The following EEFSEC variants were observed in gnomAD, a reference collection of about 807,000 sequenced individuals.
EEFSEC encodes the protein selenocysteine-specific elongation factor.
Under a neutral mutation model 42.1 loss-of-function variants are expected in EEFSEC, and 43 were observed. That is an observed-to-expected ratio of 1.02 (90% confidence interval 0.80 to 1.32). The LOEUF (loss-of-function observed/expected upper bound fraction) is 1.32. Ranked by LOEUF, EEFSEC falls within the 40% of genes most tolerant of loss-of-function variation. The pLI, the probability that EEFSEC is intolerant of heterozygous loss-of-function variation, is 0.00. For synonymous variants in EEFSEC, 354 were observed against 339.1 expected, an observed-to-expected ratio of 1.04 and a Z score of -0.48; for missense variants, 745 against 803.6, an observed-to-expected ratio of 0.93 and a Z score of 0.88.
intron 4 of EEFSEC, among the ~76,000 whole-genome samples, chr3:128,284,825 G>T (rs2066566314): frequency 6.6e-6 from 1 of 151,988 alleles, no homozygotes; most frequent in Admixed American, 6.5e-5. Flanking sequence ...TGTCTACACG[G>T]CTGTTCCCAT....
chr3:128,399,861 C>T (rs114690215), intron 6 of EEFSEC, among the ~76,000 whole-genome samples: 2,247 of 152,198 alleles, frequency 0.015, 51 homozygotes, highest in African/African-American at 0.051. Flanking sequence ...GCCTGTCCTC[C>T]GGGCCCGGGC....
intron 1 of EEFSEC, among the ~76,000 whole-genome samples, chr3:128,196,978 C>G (rs1221074473): frequency 1.3e-5 from 2 of 152,228 alleles, no homozygotes; most frequent in African/African-American, 2.4e-5. Context: ...TGCAGCCCAG[C>G]TCTGGCCTCG....
chr3:128,399,403 G>C (rs764437000), intron 6 of EEFSEC, among the ~76,000 whole-genome samples: 1 of 152,216 alleles, frequency 6.6e-6, no homozygotes, highest in Non-Finnish European at 1.5e-5. Flanking sequence ...TGAGAGCCTC[G>C]GAAAGAGCGA....
At chr3:128,426,022 T>C in the EEFSEC span, among the ~76,000 whole-genome samples, 1 of 152,212 alleles carries the variant, frequency 6.6e-6, no homozygotes, top group Non-Finnish European at 1.5e-5. Flanking sequence ...TCCAGGGACC[T>C]GCTAGAAACC....
downstream of EEFSEC, among the ~76,000 whole-genome samples, chr3:128,409,833 G>T (rs1047631515): frequency 6.6e-6 from 1 of 152,178 alleles, no homozygotes; most frequent in Non-Finnish European, 1.5e-5. Context: ...CGACCCCACT[G>T]TGTGCTGTGC....
intron 1 of EEFSEC, among the ~76,000 whole-genome samples, chr3:128,220,994 A>G (rs1057373261): frequency 6.6e-6 from 1 of 152,234 alleles, no homozygotes; most frequent in Non-Finnish European, 1.5e-5. Flanking sequence ...CGTTACTCTC[A>G]GTACATTTGG....
At chr3:128,319,311 C>G (rs1275734977) in intron 4 of EEFSEC, among the ~76,000 whole-genome samples, 1 of 152,206 alleles carries the variant, frequency 6.6e-6, no homozygotes, top group African/African-American at 2.4e-5. Flanking sequence ...TGTAATCTCT[C>G]TATCCACACA....
At chr3:128,319,320 C>CA (rs1211020650) in intron 4 of EEFSEC, among the ~76,000 whole-genome samples, 1 of 152,200 alleles carries the variant, frequency 6.6e-6, no homozygotes, top group East Asian at 1.9e-4. Context: ...TCTATCCACA[C>CA]AGCCCTCATT....
intron 5 of EEFSEC, among the ~76,000 whole-genome samples, chr3:128,352,166 C>T (rs1320591375): frequency 2.0e-5 from 3 of 152,164 alleles, no homozygotes; most frequent in African/African-American, 7.2e-5. Flanking sequence ...AGCCATGTTC[C>T]CCCATCCTCA....
chr3:128,219,655 T>C (rs969886760), intron 1 of EEFSEC, among the ~76,000 whole-genome samples: 2 of 152,166 alleles, frequency 1.3e-5, no homozygotes, highest in Non-Finnish European at 2.9e-5. Context: ...ATGCAGAAAA[T>C]ATTTATTCAT....
chr3:128,356,873 A>G (rs1350105133), intron 5 of EEFSEC, among the ~76,000 whole-genome samples: 2 of 152,248 alleles, frequency 1.3e-5, no homozygotes, highest in Non-Finnish European at 2.9e-5. Context: ...CTGTGGTCAC[A>G]TCATCATCTC....
intron 6 of EEFSEC, among the ~76,000 whole-genome samples, chr3:128,377,220 G>A (rs2067719902): frequency 6.6e-6 from 1 of 151,916 alleles, no homozygotes; most frequent in South Asian, 2.1e-4. Flanking sequence ...ATACAATTTT[G>A]TGTCTGATTC....
intron 1 of EEFSEC, among the ~76,000 whole-genome samples, chr3:128,194,172 A>G (rs2065556989): frequency 6.6e-6 from 1 of 152,200 alleles, no homozygotes; most frequent in Non-Finnish European, 1.5e-5. Flanking sequence ...CATAAAAAAG[A>G]CAGGGTGCCC....
chr3:128,298,190 G>A (rs1343555589), intron 4 of EEFSEC, among the ~76,000 whole-genome samples: 1 of 152,164 alleles, frequency 6.6e-6, no homozygotes, highest in East Asian at 1.9e-4. Flanking sequence ...CTGAGACAGG[G>A]TCTCTGTCAC....
chr3:128,318,280 T>C (rs1478107621), intron 4 of EEFSEC, among the ~76,000 whole-genome samples: 1 of 152,264 alleles, frequency 6.6e-6, no homozygotes, highest in Non-Finnish European at 1.5e-5. Flanking sequence ...TGCAAAGTTT[T>C]GCTGGGACAA....
At chr3:128,353,690 C>T (rs1182181791) in intron 5 of EEFSEC, among the ~76,000 whole-genome samples, 3 of 152,206 alleles carry the variant, frequency 2.0e-5, no homozygotes, top group Non-Finnish European at 4.4e-5. Context: ...CGGCACCTCC[C>T]GGCAGACAGG....
intron 2 of EEFSEC, among the ~76,000 whole-genome samples, chr3:128,247,257 A>G (rs975010076): frequency 6.6e-6 from 1 of 152,196 alleles, no homozygotes; most frequent in African/African-American, 2.4e-5. Flanking sequence ...GAGCATAAAG[A>G]AACTAGAATT....
At chr3:128,380,593 G>A (rs540033213) in intron 6 of EEFSEC, among the ~76,000 whole-genome samples, 3 of 152,330 alleles carry the variant, frequency 2.0e-5, no homozygotes, top group East Asian at 3.9e-4. Flanking sequence ...GGGTTCGTAC[G>A]TGCTTTACGT....
intron 3 of EEFSEC, among the ~76,000 whole-genome samples, chr3:128,262,652 A>G (rs574857921): frequency 6.6e-6 from 1 of 152,334 alleles, no homozygotes; most frequent in East Asian, 1.9e-4. Context: ...GGTGAAAGAC[A>G]TGAGCCCAAC....
Sources: allele counts gnomAD v4.1 joint callset (sites outside exome capture counted in the v4.1 genomes callset), GRCh38; gene constraint gnomAD v4.1.1; transcripts MANE v1.5; gene names NCBI Gene and HGNC (gene_info 2026-07-23, HGNC 2026-07-21).